The following ZNF608 variants were observed in gnomAD, a reference collection of about 807,000 sequenced individuals.
ZNF608 encodes zinc finger protein 608.
A neutral mutation model predicts 109.0 loss-of-function variants in ZNF608; 12 were observed. That is an observed-to-expected ratio of 0.11 (90% confidence interval 0.07 to 0.18). The LOEUF is 0.18. Ranked by LOEUF, ZNF608 falls within the 10% of genes least tolerant of loss-of-function variation. ZNF608 has a pLI of 1.00. For missense variants in ZNF608, 1,707 were observed against 1,879.3 expected, an observed-to-expected ratio of 0.91 and a Z score of 1.70; for synonymous variants, 732 against 717.4, an observed-to-expected ratio of 1.02 and a Z score of -0.33.
In ZNF608 at chr5:124,701,260, G is replaced by A. The variant is rs769756731; in HGVS notation, c.916C>T (p.Leu306=). 2 of 1,614,050 alleles carry A rather than the reference G, an allele frequency of 1.2e-6. No homozygotes were observed. Among genetic ancestry groups the A allele is most frequent in the Non-Finnish European group, 1.7e-6 (2 of 1,179,976 alleles). ...GGTGGTGGCGCTGGCACTGTAAACA[G>A]GGGGTCAACCTGAAAGACAGACAGG... is the stretch of plus-strand genomic sequence containing the variant. The part of the protein sequence containing the change: ...KKLKTEKVDP[L]FTVPAPPPPI... The change falls in exon 3 of 10, where the codon CTG becomes TTG. Residue 306 remains leucine, a synonymous_variant. Coordinates refer to ENST00000513986, the MANE Select transcript of ZNF608 (RefSeq NM_020747.3).
rs1367364726 is a variant in ZNF608 at position 124,641,369 on chromosome 5, C to A, written c.4333G>T (p.Ala1445Ser). 1 of 1,614,036 alleles carries A rather than the reference C, an allele frequency of 6.2e-7. No homozygotes were observed. The part of the protein sequence containing the change: ...EKATAERERE[A>S]ERERDRHSPF... ...GAGTGGCGATCCCTTTCCCTTTCTG[C>A]CTCCCGTTCCCGCTCAGCTGTAGCC... The change falls in exon 8 of 10, where the codon GCA (alanine) becomes TCA (serine). Residue 1445 changes from alanine (A) to serine (S), a missense_variant. By Grantham distance (99) the Ala-to-Ser change is moderately conservative. Around this residue, in one of 7 missense-constraint regions of ZNF608, gnomAD observed 1,073 missense variants for 1,133.5 expected, o/e 0.95. Transcript: ENST00000513986.
intron 2 of ZNF608, among the ~76,000 whole-genome samples, chr5:124,707,194 G>A (rs1753298951): frequency 6.6e-6 from 1 of 152,198 alleles, no homozygotes; most frequent in South Asian, 2.1e-4. Flanking sequence ...CCGACAGCCA[G>A]TGAGGATAGG....
At chr5:124,701,752 A>G in intron 2 of ZNF608, among the ~76,000 whole-genome samples, 1 of 152,386 alleles carries the variant, frequency 6.6e-6, no homozygotes, top group South Asian at 2.1e-4. Flanking sequence ...AAAATATATT[A>G]GCTTTGCTGA....
intron 2 of ZNF608, among the ~76,000 whole-genome samples, chr5:124,723,787 A>C (rs1754031185): frequency 6.6e-6 from 1 of 152,230 alleles, no homozygotes. Flanking sequence ...GAGATGGGAA[A>C]AAATATTTGC....
At chr5:124,721,284 C>A (rs1753889613) in intron 2 of ZNF608, among the ~76,000 whole-genome samples, 1 of 152,018 alleles carries the variant, frequency 6.6e-6, no homozygotes, top group South Asian at 2.1e-4. Context: ...AGATGTGGAC[C>A]CCATGGAGAC....
At chr5:124,729,711 T>C in intron 2 of ZNF608, among the ~76,000 whole-genome samples, 1 of 152,212 alleles carries the variant, frequency 6.6e-6, no homozygotes, top group East Asian at 1.9e-4. Context: ...GTGGTTACTT[T>C]TATTTCTTTT....
intron 2 of ZNF608, among the ~76,000 whole-genome samples, chr5:124,727,942 T>C (rs1199906773): frequency 5.9e-5 from 9 of 152,120 alleles, no homozygotes; most frequent in African/African-American, 2.2e-4. Flanking sequence ...TTTGTCCATG[T>C]TGGTCGGGCT....
chr5:124,651,113 G>A (rs1283321250), intron 3 of ZNF608, among the ~76,000 whole-genome samples: 3 of 152,198 alleles, frequency 2.0e-5, no homozygotes, highest in African/African-American at 7.2e-5. Flanking sequence ...GGCTAGCAGG[G>A]GAAAGGCTAG....
At chr5:124,716,598 T>C (rs893217064) in intron 2 of ZNF608, among the ~76,000 whole-genome samples, 1 of 152,212 alleles carries the variant, frequency 6.6e-6, no homozygotes, top group Non-Finnish European at 1.5e-5. Context: ...CAGTTAAATC[T>C]TACATGACTT....
At chr5:124,711,906 G>A (rs894946636) in intron 2 of ZNF608, among the ~76,000 whole-genome samples, 1 of 152,160 alleles carries the variant, frequency 6.6e-6, no homozygotes, top group Non-Finnish European at 1.5e-5. Flanking sequence ...GGAAGGATTC[G>A]ATTGTTAATG....
intron 3 of ZNF608, among the ~76,000 whole-genome samples, chr5:124,691,042 A>G (rs1752605685): frequency 6.6e-6 from 1 of 151,920 alleles, no homozygotes; most frequent in African/African-American, 2.4e-5. Flanking sequence ...AATCCCAGGA[A>G]CTCAAGAGGC....
At chr5:124,672,936 G>C (rs1280786832) in intron 3 of ZNF608, among the ~76,000 whole-genome samples, 11 of 152,150 alleles carry the variant, frequency 7.2e-5, no homozygotes, top group Non-Finnish European at 1.3e-4. Context: ...AGTATGAGGT[G>C]ACAACAGTAA....
chr5:124,642,957 A>C (rs933224633), intron 7 of ZNF608, among the ~76,000 whole-genome samples: 1 of 151,982 alleles, frequency 6.6e-6, no homozygotes, highest in African/African-American at 2.4e-5. Flanking sequence ...TCGGCCTCCC[A>C]AAGTGCTGGG....
chr5:124,646,880 T>C lies in ZNF608; in HGVS notation c.3504A>G (p.Lys1168=), dbSNP rs141952803. 3.2e-5 allele frequency: 51 copies of C among 1,614,202 alleles called. No individual in the cohort carries two copies. In the East Asian group the frequency reaches 1.1e-3, roughly 35 times the overall value. ...STPEPNKNHS[K]LGPSVPNKTE... is the part of the protein sequence containing the mutation. The stretch of plus-strand genomic sequence containing the variant: ...TTTTATTAGGCACTGATGGCCCTAG[T>C]TTAGAATGGTTTTTGTTAGGCTCCG... The change falls in exon 5 of 10, where the codon AAA becomes AAG. Residue 1168 remains lysine (K), a synonymous_variant. Transcript: ENST00000513986.
chr5:124,739,763 A>C (rs765579242), intron 2 of ZNF608, among the ~76,000 whole-genome samples: 8 of 152,210 alleles, frequency 5.3e-5, no homozygotes, highest in Non-Finnish European at 1.2e-4. Context: ...GCGCACACAC[A>C]GACACCGTCG....
chr5:124,649,007 A>C lies in ZNF608; in HGVS notation c.1377T>G (p.Asn459Lys). Reference sequence around the variant, plus strand: ...TCCCATTGGCCCCCCCTCTGTTCTTATTCTGCAGCCCTCTGGACTCTGTGA... The same window carrying C: ...TCCCATTGGCCCCCCCTCTGTTCTTCTTCTGCAGCCCTCTGGACTCTGTGA... The part of the protein sequence containing the change: ...ASFTESRGLQ[N>K]KNRGGANGKG... Residue 459 changes from asparagine to lysine, a missense_variant, in exon 5 of 10, where the codon AAT becomes AAG. Asn to Lys is a moderately conservative substitution (Grantham distance 94). Transcript: ENST00000513986. 6.2e-7 allele frequency: 1 copy of C among 1,613,926 alleles called. No individual in the cohort carries two copies. Among genetic ancestry groups the C allele is most frequent in the Non-Finnish European group, 8.5e-7 (1 of 1,179,984 alleles).
At chr5:124,640,697 C>T (rs1383728971) in intron 8 of ZNF608, among the ~76,000 whole-genome samples, 1 of 152,148 alleles carries the variant, frequency 6.6e-6, no homozygotes, top group Non-Finnish European at 1.5e-5. Context: ...GGTGAAGATT[C>T]CCTCATATCA....
At chr5:124,700,258 T>G (rs1222936864) in intron 3 of ZNF608, among the ~76,000 whole-genome samples, 1 of 152,240 alleles carries the variant, frequency 6.6e-6, no homozygotes, top group Non-Finnish European at 1.5e-5. Flanking sequence ...ACTGGCCATA[T>G]GAAACACTTC....
upstream of ZNF608, among the ~76,000 whole-genome samples, chr5:124,748,097 A>G (rs929592235): frequency 6.6e-6 from 1 of 152,128 alleles, no homozygotes; most frequent in African/African-American, 2.4e-5. Context: ...CCCTTGTTTA[A>G]TATTAAATTA....
Sources: allele counts gnomAD v4.1 joint callset (sites outside exome capture counted in the v4.1 genomes callset), GRCh38; gene constraint gnomAD v4.1.1; regional missense constraint gnomAD v4.1.1; transcripts MANE v1.5; gene names NCBI Gene and HGNC (gene_info 2026-07-23, HGNC 2026-07-21).